ADAM18: variants seen among roughly 807,000 people sequenced by gnomAD.
ADAM18 encodes ADAM metallopeptidase domain 18, also known as disintegrin and metalloproteinase domain-containing protein 18.
ADAM18 carries 117 observed loss-of-function variants against 94.4 expected under a neutral mutation model. That is an observed-to-expected ratio of 1.24 (90% CI 1.07 to 1.45). The LOEUF (loss-of-function observed/expected upper bound fraction) is 1.45, where lower values mean the gene tolerates loss of function less well. Among genes scored for constraint, ADAM18 ranks in the 40% most tolerant of loss-of-function variants. The probability of loss-of-function intolerance (pLI) is 0.00; values close to 1 mark genes in which losing one functional copy is unlikely to be tolerated. For synonymous variants in ADAM18, 327 were observed against 291.6 expected, an observed-to-expected ratio of 1.12 and a Z score of -1.24; for missense variants, 936 against 880.0, an observed-to-expected ratio of 1.06 and a Z score of -0.81.
chr8:39,660,930 T>C (rs1820816968), intron 12 of ADAM18, among the ~76,000 whole-genome samples: 2 of 152,304 alleles, frequency 1.3e-5, no homozygotes, highest in African/African-American at 4.8e-5. Context: ...TGGCCTTCAG[T>C]TCAGGTCTGA....
In ADAM18 at chr8:39,601,428, T is replaced by G. The variant is rs1055736962; in HGVS notation, c.133-4879T>G. On this transcript the variant is annotated intron_variant, in intron 2 of 19. Coordinates refer to ENST00000265707, the MANE Select transcript of ADAM18 (RefSeq NM_014237.3). ...GCTTTATGCACATTTAGATTTATAT[T>G]GCCTTCTTGAGGAATTGACACTTTT... is the stretch of plus-strand genomic sequence containing the variant. Among the ~76,000 whole-genome samples the G allele has an allele frequency of 4.6e-5, 7 of 152,376 alleles. No homozygotes were observed. In the Middle Eastern group the frequency reaches 0.014, roughly 296 times the overall value.
At chr8:39,661,154 C>CTTTT (rs34697066) in intron 12 of ADAM18, among the ~76,000 whole-genome samples, 62 of 116,744 alleles carry the variant, frequency 5.3e-4, no homozygotes, top group Middle Eastern at 5.5e-3. Context: ...TCTTCTTCTT[C>CTTTT]TTTTTTTTTT....
chr8:39,592,432 A>T (rs1053192930), intron 2 of ADAM18, among the ~76,000 whole-genome samples: 5 of 152,190 alleles, frequency 3.3e-5, no homozygotes, highest in African/African-American at 9.6e-5. Context: ...AAGTCATGGA[A>T]CCAATCTAAA....
chr8:39,614,944 C>A (rs181200112), intron 6 of ADAM18, among the ~76,000 whole-genome samples: 2 of 152,198 alleles, frequency 1.3e-5, no homozygotes, highest in Non-Finnish European at 2.9e-5. Context: ...CTGGCACGCC[C>A]AGATTCATAA....
At chr8:39,593,531 T>C (rs1818641551) in intron 2 of ADAM18, among the ~76,000 whole-genome samples, 1 of 148,374 alleles carries the variant, frequency 6.7e-6, no homozygotes, top group African/African-American at 2.5e-5. Flanking sequence ...GGTTTTGTCA[T>C]AAAAAAAAAA....
intron 18 of ADAM18, among the ~76,000 whole-genome samples, chr8:39,708,679 G>A (rs1822308722): frequency 6.6e-6 from 1 of 152,226 alleles, no homozygotes; most frequent in Non-Finnish European, 1.5e-5. Context: ...CTCCTTGCAG[G>A]AGGGAGTGTG....
intron 17 of ADAM18, among the ~76,000 whole-genome samples, chr8:39,694,562 G>A (rs1043168287): frequency 1.3e-5 from 2 of 151,154 alleles, no homozygotes; most frequent in African/African-American, 4.8e-5. Context: ...TATTTTGGTG[G>A]TGCTTCTTCA....
At chr8:39,699,741 A>C (rs1373950354) in intron 17 of ADAM18, among the ~76,000 whole-genome samples, 1 of 152,176 alleles carries the variant, frequency 6.6e-6, no homozygotes, top group East Asian at 1.9e-4. Flanking sequence ...ATGAGGTTGT[A>C]GAGTAAATAT....
chr8:39,609,137 T>G lies in ADAM18; in HGVS notation c.267+17T>G, dbSNP rs1585893631. The G allele has an allele frequency of 2.0e-6, 3 of 1,488,218 alleles. No homozygotes were observed. Among genetic ancestry groups the G allele is most frequent in the Non-Finnish European group, 2.8e-6 (3 of 1,087,798 alleles). The allele number at this position is 1,488,218 out of a possible 1,614,324, so 92.2% of individuals were successfully genotyped here. A position where few individuals can be genotyped will look rare whatever the true frequency, so the allele number is the denominator to read the frequency against. On this transcript the variant is annotated intron_variant, in intron 4 of 19. Transcript: ENST00000265707. ...TATTTTATGGTAAAGTAAGATACCT[T>G]ATTTTTTTTGTTAAAGTGGTTATAT...
intron 6 of ADAM18, chr8:39,611,092 C>A (rs1053130618): frequency 1.0e-6 from 1 of 998,984 alleles, no homozygotes; most frequent in African/African-American, 1.7e-5. Flanking sequence ...TGCATGTTGC[C>A]AGATGCTCTT....
chr8:39,610,864 T>C (rs546941363), intron 6 of ADAM18, 158 bp downstream of exon 6: 1 of 1,275,792 alleles, frequency 7.8e-7, no homozygotes, highest in Non-Finnish European at 1.0e-6. Context: ...ATCTAAAATA[T>C]TTGGAAAGTT....
rs1013725149 is a variant in ADAM18 at position 39,657,565 on chromosome 8, T to G, written c.1231-6230T>G. Among the ~76,000 whole-genome samples the G allele has an allele frequency of 2.0e-5, 3 of 152,080 alleles. No individual in the cohort carries two copies. The South Asian group carries it at 6.2e-4, about 31-fold the overall frequency. Reference sequence around the variant, plus strand: ...TCCTGGCCTCAAGTGATCCACCCGCTTTGGCTTCCCAAAGTGCTGGGATTA... The same window carrying G: ...TCCTGGCCTCAAGTGATCCACCCGCGTTGGCTTCCCAAAGTGCTGGGATTA... On this transcript the variant is annotated intron_variant, in intron 12 of 19. Coordinates refer to ENST00000265707, the MANE Select transcript of ADAM18 (RefSeq NM_014237.3).
At chr8:39,623,619 C>T (rs1006192680) in intron 6 of ADAM18, among the ~76,000 whole-genome samples, 1 of 151,672 alleles carries the variant, frequency 6.6e-6, no homozygotes, top group Non-Finnish European at 1.5e-5. Flanking sequence ...TGTTTTGAGA[C>T]GGAGTCTCGC....
chr8:39,710,055 G>C (rs915608334), intron 18 of ADAM18, among the ~76,000 whole-genome samples: 1 of 152,152 alleles, frequency 6.6e-6, no homozygotes, highest in Non-Finnish European at 1.5e-5. Context: ...TTAGTTTATA[G>C]GTTGTTTAGC....
intron 17 of ADAM18, among the ~76,000 whole-genome samples, chr8:39,702,859 A>G (rs1257303743): frequency 6.6e-6 from 1 of 152,170 alleles, no homozygotes; most frequent in Non-Finnish European, 1.5e-5. Context: ...TCCTTGTACC[A>G]GTACTATGCA....
intron 16 of ADAM18, among the ~76,000 whole-genome samples, chr8:39,690,591 T>A (rs1346442058): frequency 1.3e-5 from 2 of 152,204 alleles, no homozygotes; most frequent in Admixed American, 1.3e-4. Flanking sequence ...AATTCATTAA[T>A]TACATTTGTA....
intron 19 of ADAM18, among the ~76,000 whole-genome samples, chr8:39,729,510 C>T (rs907329607): frequency 2.0e-5 from 3 of 151,918 alleles, no homozygotes; most frequent in Non-Finnish European, 2.9e-5. Flanking sequence ...TTTTGTCTCC[C>T]TAAGCTGTAG....
intron 16 of ADAM18, among the ~76,000 whole-genome samples, chr8:39,686,087 C>T (rs567416110): frequency 3.8e-4 from 58 of 152,294 alleles, no homozygotes; most frequent in African/African-American, 1.3e-3. Flanking sequence ...TGAGCCCTCA[C>T]CAGAATCATC....
intron 2 of ADAM18, among the ~76,000 whole-genome samples, chr8:39,591,265 G>A (rs552692247): frequency 6.6e-6 from 1 of 152,162 alleles, no homozygotes; most frequent in Non-Finnish European, 1.5e-5. Flanking sequence ...GAAGTTTGCT[G>A]TGTCGGTTGA....
Sources: gnomAD v4.1 joint callset for allele counts (sites outside exome capture counted in the v4.1 genomes callset) on GRCh38, gnomAD v4.1.1 for gene constraint, MANE v1.5 for transcripts, NCBI Gene and HGNC (gene_info 2026-07-23, HGNC 2026-07-21) for gene names.